Variants in CCDC148 observed in about 807,000 individuals in gnomAD.
CCDC148 encodes coiled-coil domain containing 148.
CCDC148 carries 89 observed loss-of-function variants against 85.7 expected under a neutral mutation model. The observed-to-expected ratio is 1.04, with a 90% CI of 0.87 to 1.24. CCDC148 has a LOEUF of 1.24. CCDC148 is among the 50% of genes most tolerant of loss of function. CCDC148 has a pLI of 0.00. For missense variants in CCDC148, 692 were observed against 671.7 expected (o/e 1.03, Z -0.33); for synonymous variants, 230 against 213.9 (o/e 1.08, Z -0.66).
At chr2:158,357,089 G>T (rs1476857791) in intron 2 of CCDC148, among the ~76,000 whole-genome samples, 1 of 140,454 alleles carries the variant, frequency 7.1e-6, no homozygotes, top group Non-Finnish European at 1.5e-5. Flanking sequence ...TGGGGTTGGG[G>T]GAGGGGGGAG....
At chr2:158,247,578 C>G (rs541939162) in intron 10 of CCDC148, among the ~76,000 whole-genome samples, 1 of 152,074 alleles carries the variant, frequency 6.6e-6, no homozygotes, top group Non-Finnish European at 1.5e-5. Context: ...ATTAAAAGGC[C>G]GGGCATGGTA....
At chr2:158,438,608 A>C (rs1286031820) in intron 1 of CCDC148, among the ~76,000 whole-genome samples, 8 of 152,196 alleles carry the variant, frequency 5.3e-5, no homozygotes, top group Non-Finnish European at 1.0e-4. Context: ...TGGCAACAAA[A>C]GCCAAAATTG....
In CCDC148 at chr2:158,338,841, A is replaced by C; in HGVS notation, c.649T>G (p.Leu217Val). The C allele has an allele frequency of 1.2e-6, 2 of 1,612,910 alleles. No homozygotes were observed. Among genetic ancestry groups the C allele is most frequent in the Non-Finnish European group, 1.7e-6 (2 of 1,179,676 alleles). Reference protein sequence around the residue: ...LSELPIELESLECPYPDLKSS... With the variant: ...LSELPIELESVECPYPDLKSS... The stretch of plus-strand genomic sequence containing the variant: ...TTCAAATCAGGGTATGGGCATTCCA[A>C]ACTTTCTAATTCAATGGGCAGTTCA... Residue 217 changes from leucine (L) to valine (V), a missense_variant, in exon 7 of 14, where the codon TTG (leucine) becomes GTG (valine). Transcript: ENST00000283233.
chr2:158,371,671 C>CATATATAT (rs60128846), intron 1 of CCDC148, among the ~76,000 whole-genome samples: 11 of 149,414 alleles, frequency 7.4e-5, no homozygotes, highest in African/African-American at 1.7e-4. Context: ...TGTTCATATA[C>CATATATAT]ATATATATAT....
chr2:158,431,555 C>T (rs1030521133), intron 1 of CCDC148, among the ~76,000 whole-genome samples: 1 of 150,144 alleles, frequency 6.7e-6, no homozygotes, highest in Non-Finnish European at 1.5e-5. Context: ...AGAATAAAGA[C>T]AAAACAAAAA....
chr2:158,343,247 A>G (rs1385226391), intron 3 of CCDC148, among the ~76,000 whole-genome samples: 7 of 152,174 alleles, frequency 4.6e-5, no homozygotes, highest in African/African-American at 1.2e-4. Context: ...TGTAAACAGA[A>G]TCCTGTAGAA....
At chr2:158,328,938 C>G (rs1692941509) in intron 7 of CCDC148, among the ~76,000 whole-genome samples, 1 of 151,788 alleles carries the variant, frequency 6.6e-6, no homozygotes, top group South Asian at 2.1e-4. Flanking sequence ...GAGTAGAATG[C>G]AAAAATTTTC....
At position 158,313,762 on chromosome 2, in the gene CCDC148, A is replaced by G. The variant is rs1335005356; in HGVS notation, c.897T>C (p.His299=). Reference sequence around the variant, plus strand: ...AGGTAGGTCCAGTACTCACCAAATCATGCCTAGATTTGTGAGGAAAATATC... The same window carrying G: ...AGGTAGGTCCAGTACTCACCAAATCGTGCCTAGATTTGTGAGGAAAATATC... ...LQRYFPHKSR[H]DLVEHEKYCD... Residue 299 remains histidine, a synonymous_variant, in exon 8 of 14, where the codon CAT becomes CAC. Coordinates refer to ENST00000283233, the MANE Select transcript of CCDC148 (RefSeq NM_138803.4). The G allele has an allele frequency of 6.2e-7, 1 of 1,613,458 alleles. No individual in the cohort carries two copies. The highest frequency in any genetic ancestry group is 8.5e-7 in the Non-Finnish European group (1 of 1,179,778).
At chr2:158,233,675 G>A (rs1356809459) in intron 10 of CCDC148, among the ~76,000 whole-genome samples, 1 of 151,924 alleles carries the variant, frequency 6.6e-6, no homozygotes, top group Non-Finnish European at 1.5e-5. Context: ...AGTTCATGCA[G>A]GGGTTTGGAG....
intron 1 of CCDC148, among the ~76,000 whole-genome samples, chr2:158,414,371 T>C (rs1686397695): frequency 6.6e-6 from 1 of 152,218 alleles, no homozygotes; most frequent in African/African-American, 2.4e-5. Flanking sequence ...CTGCAGCTTG[T>C]AGGATCAGAT....
chr2:158,332,658 G>A (rs1693198988), intron 7 of CCDC148, among the ~76,000 whole-genome samples: 1 of 151,566 alleles, frequency 6.6e-6, no homozygotes, highest in South Asian at 2.1e-4. Context: ...GAATCCATCT[G>A]GTCCTGGACT....
chr2:158,336,393 TA>T (rs925880746), intron 7 of CCDC148, among the ~76,000 whole-genome samples: 4 of 152,174 alleles, frequency 2.6e-5, no homozygotes, highest in African/African-American at 9.7e-5. Flanking sequence ...AGCATATTTA[TA>T]AAATATTTTC....
chr2:158,227,538 G>A (rs1386909442), intron 10 of CCDC148, among the ~76,000 whole-genome samples: 14 of 152,102 alleles, frequency 9.2e-5, no homozygotes, highest in East Asian at 5.8e-4. Flanking sequence ...GAGGCATCAC[G>A]CTACCTGACT....
intron 11 of CCDC148, among the ~76,000 whole-genome samples, chr2:158,186,089 TG>T (rs151000200): frequency 0.04 from 6,041 of 152,150 alleles, 179 homozygotes; most frequent in Middle Eastern, 0.068. Flanking sequence ...GAGAGGAGGC[TG>T]AGTTTTTCTG....
chr2:158,372,886 T>C (rs1164876772), intron 1 of CCDC148, among the ~76,000 whole-genome samples: 2 of 152,028 alleles, frequency 1.3e-5, no homozygotes, highest in East Asian at 3.9e-4. Flanking sequence ...TCCCAAACCA[T>C]TTGCAGATCC....
rs151102942 is a variant in CCDC148 at position 158,261,639 on chromosome 2, C to A, written c.1111-10727G>T. Among the ~76,000 whole-genome samples the A allele has an allele frequency of 2.1e-4, 32 of 151,618 alleles. 1 individual carries two copies. The East Asian group carries it at 5.4e-3, about 26-fold the overall frequency. On this transcript the variant is annotated intron_variant, in intron 9 of 13. Coordinates refer to ENST00000283233, the MANE Select transcript of CCDC148 (RefSeq NM_138803.4). ...TATGCATCTGACAAAGGTCTAATAT[C>A]CAGCATCTATAAGGAACTTAAATTT...
intron 11 of CCDC148, among the ~76,000 whole-genome samples, chr2:158,212,110 C>T (rs1434954002): frequency 6.6e-6 from 1 of 152,068 alleles, no homozygotes; most frequent in Non-Finnish European, 1.5e-5. Context: ...TTCTAATATA[C>T]ATATAAAATA....
intron 1 of CCDC148, among the ~76,000 whole-genome samples, chr2:158,433,070 T>C (rs1321392882): frequency 3.2e-5 from 1 of 31,530 alleles, no homozygotes; most frequent in Non-Finnish European, 9.1e-5. Context: ...AAACCTCATC[T>C]CTACAAAAAA....
At chr2:158,402,842 A>G (rs1685842692) in intron 1 of CCDC148, among the ~76,000 whole-genome samples, 1 of 152,066 alleles carries the variant, frequency 6.6e-6, no homozygotes, top group Non-Finnish European at 1.5e-5. Context: ...AAAGTGTACT[A>G]TTTCAAACTA....
Sources: allele counts gnomAD v4.1 joint callset (sites outside exome capture counted in the v4.1 genomes callset), GRCh38; gene constraint gnomAD v4.1.1; transcripts MANE v1.5; gene names NCBI Gene and HGNC (gene_info 2026-07-23, HGNC 2026-07-21).